The following PALM2AKAP2 variants were observed in gnomAD, a reference collection of about 807,000 sequenced individuals.
The protein encoded by PALM2AKAP2 is PALM2 and AKAP2 fusion, also known as PALM2-AKAP2 fusion protein.
Under a neutral mutation model 71.5 loss-of-function variants are expected in PALM2AKAP2, and 37 were observed. The ratio of observed to expected loss-of-function variants is 0.52; its 90% CI spans 0.40 to 0.68. The LOEUF (loss-of-function observed/expected upper bound fraction) is 0.68. PALM2AKAP2 is among the 30% of genes least tolerant of loss of function. The pLI is 0.00. For synonymous variants in PALM2AKAP2, 468 were observed against 478.8 expected, an observed-to-expected ratio of 0.98 and a Z score of 0.29; for missense variants, 1,224 against 1,191.8, an observed-to-expected ratio of 1.03 and a Z score of -0.40.
At chr9:110,164,314 A>G (rs891369023) in intron 3 of PALM2AKAP2, among the ~76,000 whole-genome samples, 3 of 152,184 alleles carry the variant, frequency 2.0e-5, no homozygotes, top group Admixed American at 1.3e-4. Flanking sequence ...ATAGGGTGAT[A>G]TTATTTAACA....
intron 2 of PALM2AKAP2, among the ~76,000 whole-genome samples, chr9:109,876,221 T>C (rs1829718433): frequency 6.6e-6 from 1 of 152,186 alleles, no homozygotes; most frequent in East Asian, 1.9e-4. Context: ...CAATACAAGC[T>C]AGCACAGTAT....
rs528233659 is a variant in PALM2AKAP2, at chr9:109,686,638, A to AT, written c.5+45779dup. Among the ~76,000 whole-genome samples, 180 of 148,502 alleles carry AT rather than the reference A, an allele frequency of 1.2e-3. 1 individual carries two copies. Among genetic ancestry groups the AT allele is most frequent in the African/African-American group, 4.2e-3 (169 of 40,356 alleles). On this transcript the variant is annotated intron_variant, in intron 1 of 6. Coordinates refer to the PALM2AKAP2 transcript ENST00000374531. ...ATTTATTTATTTATTTATTTATTTTATTTTTTTACTTTTATTTTTTAGAGC... is the reference window on the plus strand; with the variant it reads ...ATTTATTTATTTATTTATTTATTTTATTTTTTTTACTTTTATTTTTTAGAGC...
rs577977381 is a variant in PALM2AKAP2 at position 109,840,845 on chromosome 9, G to A, written c.46-26646G>A. On this transcript the variant is annotated intron_variant, in intron 1 of 9. Transcript: ENST00000302798. Reference sequence around the variant, plus strand: ...ACCATCTCATACCAGTTAGAATGGCGATCATTAAAAAGTCAGGAGACAACA... The same window carrying A: ...ACCATCTCATACCAGTTAGAATGGCAATCATTAAAAAGTCAGGAGACAACA... Among the ~76,000 whole-genome samples, 415 of 152,250 alleles carry A rather than the reference G, an allele frequency of 2.7e-3. 1 individual carries two copies. The highest frequency in any genetic ancestry group is 9.2e-3 in the African/African-American group (381 of 41,538).
intron 6 of PALM2AKAP2, among the ~76,000 whole-genome samples, chr9:109,962,688 G>A (rs1831874901): frequency 6.6e-6 from 1 of 151,448 alleles, no homozygotes; most frequent in Non-Finnish European, 1.5e-5. Context: ...TGTCACCCAG[G>A]CTGGAGTGCA....
intron 1 of PALM2AKAP2, among the ~76,000 whole-genome samples, chr9:110,119,358 AAAG>A (rs1359533587): frequency 6.6e-6 from 1 of 150,852 alleles, no homozygotes; most frequent in Non-Finnish European, 1.5e-5. Flanking sequence ...AAAAAAAAAA[AAAG>A]AAAAGAAAAA....
At chr9:109,942,841 G>A in intron 6 of PALM2AKAP2, 1 of 1,614,202 alleles carries the variant, frequency 6.2e-7, no homozygotes, top group African/African-American at 1.3e-5. Flanking sequence ...GCGCTCAGGA[G>A]GCACCGTAGT....
intron 3 of PALM2AKAP2, among the ~76,000 whole-genome samples, chr9:109,909,030 A>G (rs1320767140): frequency 2.0e-5 from 3 of 152,222 alleles, no homozygotes; most frequent in East Asian, 3.8e-4. Flanking sequence ...AATGAAGTAA[A>G]TGCTGAGACT....
At chr9:109,909,160 A>ACG (rs201662323) in intron 3 of PALM2AKAP2, among the ~76,000 whole-genome samples, 13 of 149,374 alleles carry the variant, frequency 8.7e-5, no homozygotes, top group African/African-American at 3.0e-4. Context: ...ACACGCGCGC[A>ACG]CGCACACACA....
chr9:109,682,835 G>A (rs1303149684), intron 1 of PALM2AKAP2, among the ~76,000 whole-genome samples: 1 of 152,134 alleles, frequency 6.6e-6, no homozygotes, highest in Non-Finnish European at 1.5e-5. Flanking sequence ...GGGTTGAATA[G>A]TGGCCCTCCA....
intron 3 of PALM2AKAP2, among the ~76,000 whole-genome samples, chr9:109,897,091 C>T (rs1392722375): frequency 6.6e-6 from 1 of 152,182 alleles, no homozygotes; most frequent in Admixed American, 6.5e-5. Flanking sequence ...GCAGAAAGCT[C>T]TGGGACCAAC....
chr9:109,874,536 A>AT (rs1360992855), intron 2 of PALM2AKAP2, among the ~76,000 whole-genome samples: 3 of 152,208 alleles, frequency 2.0e-5, no homozygotes, highest in Non-Finnish European at 4.4e-5. Context: ...AAGAATTATC[A>AT]TTATTGTCAC....
chr9:109,873,099 C>A (rs1829643417), intron 2 of PALM2AKAP2, among the ~76,000 whole-genome samples: 1 of 152,006 alleles, frequency 6.6e-6, no homozygotes, highest in Non-Finnish European at 1.5e-5. Flanking sequence ...AGGGACAGGA[C>A]ACAGATAAAT....
intron 1 of PALM2AKAP2, among the ~76,000 whole-genome samples, chr9:109,757,608 G>T (rs2149002): frequency 3.3e-5 from 5 of 151,778 alleles, no homozygotes; most frequent in African/African-American, 1.2e-4. Context: ...TTGATAGTCC[G>T]CAATATGTAC....
chr9:109,660,044 G>A (rs1587857314), intron 1 of PALM2AKAP2, among the ~76,000 whole-genome samples: 1 of 151,936 alleles, frequency 6.6e-6, no homozygotes, highest in African/African-American at 2.4e-5. Context: ...ATGTTGCCCA[G>A]GCTGGTCTCA....
intron 1 of PALM2AKAP2, among the ~76,000 whole-genome samples, chr9:110,126,876 G>A (rs1362061344): frequency 6.6e-6 from 1 of 152,200 alleles, no homozygotes; most frequent in East Asian, 1.9e-4. Flanking sequence ...TTTTCAGCAG[G>A]GCTAAGAGGA....
intron 1 of PALM2AKAP2, among the ~76,000 whole-genome samples, chr9:110,049,643 TGG>T (rs1266852445): frequency 6.6e-6 from 1 of 151,342 alleles, no homozygotes; most frequent in Non-Finnish European, 1.5e-5. Context: ...GAGCAGACCG[TGG>T]GGGAGAGCAC....
chr9:110,082,741 A>G (rs1020809269), intron 1 of PALM2AKAP2, among the ~76,000 whole-genome samples: 8 of 152,248 alleles, frequency 5.3e-5, no homozygotes, highest in Non-Finnish European at 2.9e-5. Context: ...ATGTTAAGGT[A>G]TACAGTTCAG....
At chr9:109,997,646 G>A (rs1832598499) in intron 6 of PALM2AKAP2, among the ~76,000 whole-genome samples, 2 of 152,220 alleles carry the variant, frequency 1.3e-5, no homozygotes, top group South Asian at 4.1e-4. Flanking sequence ...CCAAAAGATG[G>A]ACCTTCCTGT....
chr9:109,967,268 G>C (rs1367129252), intron 6 of PALM2AKAP2, among the ~76,000 whole-genome samples: 1 of 152,162 alleles, frequency 6.6e-6, no homozygotes, highest in Non-Finnish European at 1.5e-5. Context: ...TGTATCTCAA[G>C]ACAGAGAACC....
Sources: gnomAD v4.1 joint callset for allele counts (sites outside exome capture counted in the v4.1 genomes callset) on GRCh38, gnomAD v4.1.1 for gene constraint, MANE v1.5 for transcripts, NCBI Gene and HGNC (gene_info 2026-07-23, HGNC 2026-07-21) for gene names.